XDH: variants seen among roughly 807,000 people sequenced by gnomAD.
XDH encodes xanthine dehydrogenase/oxidase.
In XDH, 138 loss-of-function variants were observed where a neutral mutation model predicts 156.1. That is an observed-to-expected ratio of 0.88 (90% CI 0.77 to 1.02). The LOEUF (loss-of-function observed/expected upper bound fraction) is 1.02, where lower values mean the gene tolerates loss of function less well. Among genes scored for constraint, XDH ranks in the 50% least tolerant of loss-of-function variants. The pLI, the probability that XDH is intolerant of heterozygous loss-of-function variation, is 0.00. For missense variants in XDH, 1,849 were observed against 1,684.9 expected, an observed-to-expected ratio of 1.10 and a Z score of -1.71; for synonymous variants, 669 against 625.7, an observed-to-expected ratio of 1.07 and a Z score of -1.03.
chr2:31,350,677 C>T (rs990405826), intron 24 of XDH, among the ~76,000 whole-genome samples: 3 of 152,158 alleles, frequency 2.0e-5, no homozygotes, highest in Non-Finnish European at 4.4e-5. Flanking sequence ...GCGGCAGCAT[C>T]TTTACTGCAC....
intron 13 of XDH, among the ~76,000 whole-genome samples, chr2:31,377,546 T>A (rs1274096122): frequency 2.0e-5 from 3 of 151,652 alleles, no homozygotes; most frequent in Non-Finnish European, 4.4e-5. Context: ...GGAAGAAGGG[T>A]GCTTTCACAA....
chr2:31,397,054 T>C (rs1686928563), intron 6 of XDH, among the ~76,000 whole-genome samples: 1 of 152,136 alleles, frequency 6.6e-6, no homozygotes, highest in African/African-American at 2.4e-5. Flanking sequence ...TGGGGGGAGA[T>C]TAAGCCAAGA....
intron 18 of XDH, 88 bp from the exon 19 acceptor site, chr2:31,368,748 T>G (rs1685991553): frequency 6.2e-7 from 1 of 1,610,142 alleles, no homozygotes; most frequent in African/African-American, 1.3e-5. Flanking sequence ...CCAAAAGAAG[T>G]CCCTGCCCTC....
intron 33 of XDH, 89 bp from the exon 34 acceptor site, chr2:31,339,766 T>C (rs1404224591): frequency 6.5e-7 from 1 of 1,526,808 alleles, no homozygotes; most frequent in African/African-American, 1.4e-5. Context: ...AAGCGCCAAC[T>C]GCAGCGCGGC....
intron 14 of XDH, among the ~76,000 whole-genome samples, chr2:31,376,014 T>A (rs777760643): frequency 2.0e-5 from 3 of 152,202 alleles, no homozygotes; most frequent in Non-Finnish European, 4.4e-5. Context: ...GCTTTATTGA[T>A]CCTATGTGGG....
In XDH at chr2:31,348,309, C is replaced by G. The variant is rs1037891690; in HGVS notation, c.3106G>C (p.Gly1036Arg). Residue 1036 changes from glycine (G) to arginine (R), a missense_variant, in exon 28 of 36, where the codon GGG (glycine) becomes CGG (arginine). By Grantham distance (125) the Gly-to-Arg change is moderately radical (BLOSUM62 -2). Transcript: ENST00000379416. ...TGAAGGCCTTGGCCCATCTCAGTCC[C>G]CCCGTGGGTCAGCAGCACAGAGCCA... ...TDGSVLLTHG[G>R]TEMGQGLHTK... The G allele has an allele frequency of 6.2e-7, 1 of 1,614,068 alleles. No homozygotes were observed. The highest frequency in any genetic ancestry group is 1.7e-5 in the Admixed American group (1 of 60,010).
At chr2:31,359,588 C>G (rs560016474) in intron 24 of XDH, among the ~76,000 whole-genome samples, 6 of 152,104 alleles carry the variant, frequency 3.9e-5, no homozygotes, top group East Asian at 1.9e-4. Flanking sequence ...AGAGGCCTAC[C>G]TACTTAGAAG....
intron 14 of XDH, 42 bp downstream of exon 14, chr2:31,377,011 C>T: frequency 6.2e-7 from 1 of 1,610,498 alleles, no homozygotes; most frequent in Non-Finnish European, 8.5e-7. Flanking sequence ...CTATTAGTAG[C>T]AGCAACATTA....
intron 6 of XDH, 80 bp from the exon 7 acceptor site, chr2:31,388,375 C>T (rs1052120132): frequency 1.3e-4 from 188 of 1,459,982 alleles, no homozygotes; most frequent in Admixed American, 1.7e-4. Flanking sequence ...TTACTAATAT[C>T]CAGAACACTC....
chr2:31,388,298 A>G lies in XDH; in HGVS notation c.496-3T>C, dbSNP rs1291949400. ...TCTCCTCCACAGCATCCACCATCCT[A>G]GAGAGATGATGAACATCTGCACAAG... On this transcript the variant is annotated splice_region_variant and splice_polypyrimidine_tract_variant and intron_variant, in intron 6 of 35. Coordinates refer to ENST00000379416, the MANE Select transcript of XDH (RefSeq NM_000379.4). 1.2e-6 allele frequency: 2 copies of G among 1,614,130 alleles called. No individual in the cohort carries two copies. Among genetic ancestry groups the G allele is most frequent in the Non-Finnish European group, 8.5e-7 (1 of 1,179,964 alleles).
rs566253262 is a variant in XDH, at chr2:31,358,348, A to G, written c.2631+5810T>C. 3.7e-4 allele frequency among the ~76,000 whole-genome samples: 57 copies of G among 152,290 alleles called. 1 individual carries two copies. The East Asian group carries it at 0.011, about 28-fold the overall frequency. On this transcript the variant is annotated intron_variant, in intron 24 of 35. Transcript: ENST00000379416. ...AATTCTACCAAACATTTAAAGAAGA[A>G]TTAACACCAATTCTACACAATCTGT...
chr2:31,358,718 T>C (rs1685691928), intron 24 of XDH, among the ~76,000 whole-genome samples: 1 of 152,126 alleles, frequency 6.6e-6, no homozygotes, highest in Non-Finnish European at 1.5e-5. Flanking sequence ...CCATTCATTA[T>C]AAAGATGCTC....
chr2:31,406,139 G>A (rs1273001870), intron 1 of XDH, among the ~76,000 whole-genome samples, 175 bp from the exon 2 acceptor site: 1 of 152,166 alleles, frequency 6.6e-6, no homozygotes, highest in East Asian at 1.9e-4. Context: ...AGTGTTGAAG[G>A]TGGGGCCTAG....
chr2:31,398,976 T>C (rs980425109), intron 4 of XDH, among the ~76,000 whole-genome samples: 3 of 152,202 alleles, frequency 2.0e-5, no homozygotes, highest in Non-Finnish European at 4.4e-5. Flanking sequence ...CCCTTAACAC[T>C]GTACCTGCAT....
intron 28 of XDH, 48 bp downstream of exon 28, chr2:31,348,220 C>A (rs924705387): frequency 6.3e-7 from 1 of 1,591,510 alleles, no homozygotes; most frequent in South Asian, 1.1e-5. Flanking sequence ...ATTTCTTATA[C>A]CACTTCCTCT....
chr2:31,407,186 T>G (rs958972612), intron 1 of XDH, among the ~76,000 whole-genome samples: 2 of 152,178 alleles, frequency 1.3e-5, no homozygotes, highest in African/African-American at 4.8e-5. Flanking sequence ...GCTTGCTTTG[T>G]GCTACATAAA....
Position 31,404,525 on chromosome 2 carries a change from G to A in XDH, c.101-1381C>T, listed in dbSNP as rs536459592. Reference sequence around the variant, plus strand: ...TTCAGTTTTGCATTTCATTTAAGATGTGACACAGCCAATTGCTGATAAGGA... The same window carrying A: ...TTCAGTTTTGCATTTCATTTAAGATATGACACAGCCAATTGCTGATAAGGA... On this transcript the variant is annotated intron_variant, in intron 2 of 35. Transcript: ENST00000379416. Among the ~76,000 whole-genome samples, 61 of 152,338 alleles carry A rather than the reference G, an allele frequency of 4.0e-4. 1 individual carries two copies. In the South Asian group the frequency reaches 9.5e-3, roughly 24 times the overall value.
At chr2:31,359,189 G>A (rs1421831629) in intron 24 of XDH, among the ~76,000 whole-genome samples, 1 of 152,056 alleles carries the variant, frequency 6.6e-6, no homozygotes, top group Non-Finnish European at 1.5e-5. Flanking sequence ...TTGTTGATTG[G>A]AATATAAAAT....
At chr2:31,412,763 C>T (rs1204481810) in intron 1 of XDH, among the ~76,000 whole-genome samples, 1 of 152,120 alleles carries the variant, frequency 6.6e-6, no homozygotes, top group Non-Finnish European at 1.5e-5. Flanking sequence ...CATTGTTTAC[C>T]CAGGAATTCC....
Sources: gnomAD v4.1 joint callset for allele counts (sites outside exome capture counted in the v4.1 genomes callset) on GRCh38, gnomAD v4.1.1 for gene constraint, MANE v1.5 for transcripts, NCBI Gene and HGNC (gene_info 2026-07-23, HGNC 2026-07-21) for gene names.